The following ZZZ3 variants were observed in gnomAD, a reference collection of about 807,000 sequenced individuals.
ZZZ3 encodes the protein ZZ-type zinc finger-containing protein 3.
A neutral mutation model predicts 95.2 loss-of-function variants in ZZZ3; 22 were observed. That is an observed-to-expected ratio of 0.23 (90% confidence interval 0.17 to 0.33). ZZZ3 has a LOEUF of 0.33. Among genes scored for constraint, ZZZ3 ranks in the 10% least tolerant of loss-of-function variants. The pLI is 1.00. For missense variants in ZZZ3, 885 were observed against 1,066.5 expected (o/e 0.83, Z 2.37); for synonymous variants, 335 against 358.9 (o/e 0.93, Z 0.75).
chr1:77,637,242 T>A (rs1668383482), intron 4 of ZZZ3, among the ~76,000 whole-genome samples: 1 of 152,012 alleles, frequency 6.6e-6, no homozygotes, highest in African/African-American at 2.4e-5. Flanking sequence ...ATCCTAATAA[T>A]AAAAAAATTT....
Position 77,632,339 on chromosome 1 carries a change from A to G in ZZZ3, c.1016T>C (p.Leu339Pro). 2 of 1,614,190 alleles carry G rather than the reference A, an allele frequency of 1.2e-6. No individual in the cohort carries two copies. The highest frequency in any genetic ancestry group is 1.3e-5 in the African/African-American group (1 of 75,062). ...TGGCATACTCTCAAGACTTGTGTCC[A>G]GTTCGTTATTGGTGTTTTCTTTACA... ...EQCKENTNNE[L>P]DTSLESMPAS... is the part of the protein sequence containing the mutation. The change falls in exon 5 of 15, where the codon CTG becomes CCG. Residue 339 changes from leucine to proline, a missense_variant. Physicochemically the swap from Leu to Pro is moderately conservative, Grantham distance 98. Transcript: ENST00000370801.
chr1:77,627,709 T>G (rs1193135980), intron 5 of ZZZ3, among the ~76,000 whole-genome samples: 1 of 152,212 alleles, frequency 6.6e-6, no homozygotes, highest in Non-Finnish European at 1.5e-5. Context: ...CACTCTTAGA[T>G]GAGCAATAAC....
Position 77,565,725 on chromosome 1 carries a change from T to G in ZZZ3, c.2627A>C (p.Glu876Ala). 6.2e-7 allele frequency: 1 copy of G among 1,613,954 alleles called. No individual in the cohort carries two copies. Among genetic ancestry groups the G allele is most frequent in the Non-Finnish European group, 8.5e-7 (1 of 1,179,852 alleles). The change falls in exon 15 of 15, where the codon GAG (glutamate) becomes GCG (alanine). Residue 876 changes from glutamate to alanine, a missense_variant. Glu to Ala is a moderately radical substitution (Grantham distance 107, BLOSUM62 -1). Transcript: ENST00000370801. ...DHQLEPIYRS[E>A]TFLDRDYCVS... ...ACAGTAGTCTCTGTCTAAGAATGTC[T>G]CTGACCTATAAATAGGTTCTAATTG...
chr1:77,592,841 A>G (rs1663847544), intron 5 of ZZZ3, among the ~76,000 whole-genome samples: 3 of 152,352 alleles, frequency 2.0e-5, no homozygotes, highest in South Asian at 4.1e-4. Context: ...TTCCCTGAAG[A>G]CAACCAATAT....
In ZZZ3 at chr1:77,568,460, C is replaced by T. The variant is rs755058011; in HGVS notation, c.2338G>A (p.Glu780Lys). ...NTAVEDASDD[E>K]SIPIMYRNLP... Reference sequence around the variant, plus strand: ...TTCCTATACATGATAGGAATACTTTCGTCATCCTATCAAAAAAAAAAAAAA... The same window carrying T: ...TTCCTATACATGATAGGAATACTTTTGTCATCCTATCAAAAAAAAAAAAAA... Residue 780 changes from glutamate to lysine, a missense_variant, in exon 13 of 15, where the codon GAA (glutamate) becomes AAA (lysine). Around this residue, in one of 5 missense-constraint regions of ZZZ3, gnomAD observed 221 missense variants for 247.8 expected, o/e 0.89. Transcript: ENST00000370801. 9 of 944,172 alleles carry T rather than the reference C, an allele frequency of 9.5e-6. No individual in the cohort carries two copies. Among genetic ancestry groups the T allele is most frequent in the African/African-American group, 4.0e-5 (2 of 49,656 alleles). 58.5% of individuals were successfully genotyped at this position (944,172 alleles called of 1,614,324 possible). A position where few individuals can be genotyped will look rare whatever the true frequency, so the allele number is the denominator to read the frequency against.
intron 5 of ZZZ3, among the ~76,000 whole-genome samples, chr1:77,611,861 C>T (rs1665845859): frequency 6.6e-6 from 1 of 151,792 alleles, no homozygotes; most frequent in Non-Finnish European, 1.5e-5. Context: ...ATATAAGACC[C>T]AAAACCATAA....
intron 4 of ZZZ3, 29 bp from the exon 5 acceptor site, chr1:77,633,434 A>C: frequency 6.9e-7 from 1 of 1,455,472 alleles, no homozygotes; most frequent in Non-Finnish European, 9.2e-7. Context: ...AATAATGAGA[A>C]AAAGGTAATA....
At chr1:77,635,892 C>T (rs1199308638) in intron 4 of ZZZ3, among the ~76,000 whole-genome samples, 4 of 151,510 alleles carry the variant, frequency 2.6e-5, no homozygotes, top group African/African-American at 4.9e-5. Flanking sequence ...GGCAACAGAG[C>T]GAGACTCTGT....
intron 5 of ZZZ3, among the ~76,000 whole-genome samples, chr1:77,618,799 G>T (rs1666579665): frequency 6.6e-6 from 1 of 152,152 alleles, no homozygotes; most frequent in Admixed American, 6.5e-5. Flanking sequence ...TAAGTAACTT[G>T]TATAGGAAAT....
intron 1 of ZZZ3, among the ~76,000 whole-genome samples, chr1:77,667,793 T>C (rs1165792383): frequency 1.4e-5 from 2 of 142,830 alleles, no homozygotes; most frequent in Non-Finnish European, 3.0e-5. Context: ...TGAGAGAGAG[T>C]CTCGCTCTGT....
chr1:77,617,389 T>C (rs991428728), intron 5 of ZZZ3, among the ~76,000 whole-genome samples: 3 of 152,192 alleles, frequency 2.0e-5, no homozygotes, highest in Admixed American at 6.5e-5. Flanking sequence ...TAGAAACATA[T>C]ATGACCTATT....
At chr1:77,673,062 C>T (rs779052975) in intron 1 of ZZZ3, among the ~76,000 whole-genome samples, 6 of 152,128 alleles carry the variant, frequency 3.9e-5, no homozygotes, top group Non-Finnish European at 7.3e-5. Context: ...ACCAAAATAC[C>T]TAATTTCAAC....
At chr1:77,581,474 T>C in intron 8 of ZZZ3, among the ~76,000 whole-genome samples, 1 of 152,188 alleles carries the variant, frequency 6.6e-6, no homozygotes, top group East Asian at 1.9e-4. Context: ...TCGGATACTG[T>C]ACTAGGCACA....
intron 5 of ZZZ3, among the ~76,000 whole-genome samples, chr1:77,599,408 C>G (rs555254292): frequency 6.6e-4 from 100 of 151,616 alleles, no homozygotes; most frequent in South Asian, 2.7e-3. Context: ...GATGAAAAAC[C>G]CTTTGAAATA....
chr1:77,629,821 C>T (rs1049409227), intron 5 of ZZZ3, among the ~76,000 whole-genome samples: 1 of 152,094 alleles, frequency 6.6e-6, no homozygotes, highest in African/African-American at 2.4e-5. Flanking sequence ...GAAAAATAAA[C>T]ATATAAAAGC....
At chr1:77,633,431 A>C (rs1668009283) in intron 4 of ZZZ3, 26 bp from the exon 5 acceptor site, 1 of 1,467,114 alleles carries the variant, frequency 6.8e-7, no homozygotes, top group African/African-American at 1.4e-5. Context: ...CAAAATAATG[A>C]GAAAAAGGTA....
chr1:77,592,423 C>T (rs957246287), intron 5 of ZZZ3, among the ~76,000 whole-genome samples: 1 of 152,132 alleles, frequency 6.6e-6, no homozygotes, highest in Non-Finnish European at 1.5e-5. Context: ...CTGCCTCAGC[C>T]TCTGAGTAGC....
At chr1:77,648,780 G>GT (rs1161093735) in intron 1 of ZZZ3, among the ~76,000 whole-genome samples, 1 of 152,122 alleles carries the variant, frequency 6.6e-6, no homozygotes, top group South Asian at 2.1e-4. Context: ...AAAAAATACT[G>GT]TAAGAAATGA....
At chr1:77,645,990 T>A (rs906998250) in intron 1 of ZZZ3, among the ~76,000 whole-genome samples, 3 of 149,538 alleles carry the variant, frequency 2.0e-5, no homozygotes, top group Non-Finnish European at 4.5e-5. Flanking sequence ...AAAAAAAAAA[T>A]TCAGATTCAA....
Sources: allele counts gnomAD v4.1 joint callset (sites outside exome capture counted in the v4.1 genomes callset), GRCh38; gene constraint gnomAD v4.1.1; regional missense constraint gnomAD v4.1.1; transcripts MANE v1.5; gene names NCBI Gene and HGNC (gene_info 2026-07-23, HGNC 2026-07-21).